CHRDL1: variants seen among roughly 807,000 people sequenced by gnomAD.
CHRDL1 encodes chordin like 1, also known as chordin-like protein 1.
Under a neutral mutation model 40.9 loss-of-function variants are expected in CHRDL1, and 19 were observed. The ratio of observed to expected loss-of-function variants is 0.46; its 90% CI spans 0.32 to 0.68. CHRDL1 has a LOEUF of 0.68. CHRDL1 is among the 30% of genes least tolerant of loss of function. CHRDL1 has a pLI of 0.03. For synonymous variants in CHRDL1, 136 were observed against 123.4 expected, an observed-to-expected ratio of 1.10 and a Z score of -0.68; for missense variants, 329 against 352.1, an observed-to-expected ratio of 0.93 and a Z score of 0.53.
chrX:110,680,658 C>T (rs2069877256), intron 10 of CHRDL1, among the ~76,000 whole-genome samples: 2 of 111,916 alleles, frequency 1.8e-5, no homozygotes, highest in Non-Finnish European at 3.8e-5. Context: ...AGTTCGAGTA[C>T]TCTTGAGCCT....
At position 110,689,921 on chromosome X, in the gene CHRDL1, A is replaced by C. The variant is rs746119375; in HGVS notation, c.779-1118T>G. ...TATATATATCTATATATCTATATAT[A>C]TCTATATATCTATATATATCTATAT... On this transcript the variant is annotated intron_variant, in intron 8 of 11. Coordinates refer to ENST00000372042, the MANE Select transcript of CHRDL1 (RefSeq NM_001143981.2). Among the ~76,000 whole-genome samples the C allele has an allele frequency of 2.2e-3, 79 of 35,214 alleles. 1 individual carries two copies. Among genetic ancestry groups the C allele is most frequent in the African/African-American group, 3.7e-3 (13 of 3,559 alleles). The allele number at this position is 35,214 out of a possible 115,157, so 30.6% of individuals were successfully genotyped here. A position where few individuals can be genotyped will look rare whatever the true frequency, so the allele number is the denominator to read the frequency against.
chrX:110,788,704 A>G (rs1252400094), intron 2 of CHRDL1, among the ~76,000 whole-genome samples: 1 of 112,237 alleles, frequency 8.9e-6, no homozygotes, highest in Admixed American at 9.5e-5. Context: ...AATAAGATGT[A>G]CTTTTACTTT....
intron 1 of CHRDL1, among the ~76,000 whole-genome samples, chrX:110,795,089 CCTTT>C (rs2090159805): frequency 8.9e-6 from 1 of 112,436 alleles, no homozygotes; most frequent in Non-Finnish European, 1.9e-5. Flanking sequence ...TTGCAAAACA[CCTTT>C]CTATCATTTC....
chrX:110,779,167 G>T (rs141314056), intron 2 of CHRDL1, among the ~76,000 whole-genome samples: 3 of 110,636 alleles, frequency 2.7e-5, no homozygotes, highest in Non-Finnish European at 5.7e-5. Flanking sequence ...AGTATTTGGG[G>T]ACAAAATTAT....
At chrX:110,787,863 AGGCTGGTCT>A (rs2090040817) in intron 2 of CHRDL1, among the ~76,000 whole-genome samples, 3 of 112,811 alleles carry the variant, frequency 2.7e-5, no homozygotes, top group Non-Finnish European at 5.6e-5. Context: ...GACTTGGCAC[AGGCTGGTCT>A]ATTAGAAATA....
At chrX:110,770,121 T>C (rs963568104) in intron 2 of CHRDL1, among the ~76,000 whole-genome samples, 2 of 112,353 alleles carry the variant, frequency 1.8e-5, no homozygotes, top group African/African-American at 3.2e-5. Context: ...CTGTGTGACA[T>C]TGAGTAAGTC....
rs1344741945 is a variant in CHRDL1, at chrX:110,688,618, C to T, written c.964G>A (p.Val322Met). The T allele has an allele frequency of 3.3e-6, 4 of 1,208,305 alleles. No individual in the cohort carries two copies. The highest frequency in any genetic ancestry group is 3.5e-5 in the South Asian group (2 of 56,692). Residue 322 changes from valine (V) to methionine (M), a missense_variant, in exon 9 of 12, where the codon GTG becomes ATG. Val to Met is a conservative substitution (Grantham distance 21). Transcript: ENST00000372042. ...CCTTTTGCTTTTTTACCTGGACACACCTTGCAGCATTTTCCGTCTATTTTT... is the reference window on the plus strand; with the variant it reads ...CCTTTTGCTTTTTTACCTGGACACATCTTGCAGCATTTTCCGTCTATTTTT... ...PQKIDGKCCK[V>M]CPGKKAKEEL... is the part of the protein sequence containing the mutation.
At chrX:110,712,387 CAT>C (rs1242462351) in intron 6 of CHRDL1, among the ~76,000 whole-genome samples, 1 of 111,139 alleles carries the variant, frequency 9.0e-6, no homozygotes, top group African/African-American at 3.3e-5. Context: ...TAGGAAGAAA[CAT>C]AGCATGTAAC....
chrX:110,742,197 G>A (rs1231353301), intron 4 of CHRDL1, among the ~76,000 whole-genome samples: 5 of 112,046 alleles, frequency 4.5e-5, no homozygotes, highest in African/African-American at 1.6e-4. Flanking sequence ...TTAGTTCTAG[G>A]TTACTATGAA....
chrX:110,678,544 C>T (rs1394935254), intron 11 of CHRDL1, among the ~76,000 whole-genome samples: 1 of 110,964 alleles, frequency 9.0e-6, no homozygotes, highest in Non-Finnish European at 1.9e-5. Context: ...CCAGTCATAC[C>T]CTTCTCTTTC....
chrX:110,705,610 A>G (rs1211613106), intron 6 of CHRDL1, among the ~76,000 whole-genome samples: 1 of 104,864 alleles, frequency 9.5e-6, no homozygotes, highest in Non-Finnish European at 1.9e-5. Flanking sequence ...ATGATGCTCA[A>G]AGGAAATTCT....
chrX:110,697,969 AAGGAGTCATATTTGAACCACTGGTTCCTC>A (rs2070434888), intron 7 of CHRDL1, among the ~76,000 whole-genome samples: 1 of 110,649 alleles, frequency 9.0e-6, no homozygotes, highest in Non-Finnish European at 1.9e-5. Context: ...GGTTTTTACA[AAGGAGTCATATTTGAACCACTGGTTCCTC>A]TTCCTGTGCA....
chrX:110,739,703 C>A (rs183820065), intron 4 of CHRDL1, among the ~76,000 whole-genome samples: 8 of 112,407 alleles, frequency 7.1e-5, no homozygotes, highest in African/African-American at 2.6e-4. Context: ...TTTGTCTTTG[C>A]AGATATATTC....
intron 2 of CHRDL1, among the ~76,000 whole-genome samples, chrX:110,784,802 G>C (rs1015203833): frequency 3.6e-5 from 4 of 111,823 alleles, no homozygotes; most frequent in African/African-American, 1.3e-4. Context: ...ACACCATTAA[G>C]ATGAGAACTG....
At chrX:110,710,014 G>C (rs2070719263) in intron 6 of CHRDL1, among the ~76,000 whole-genome samples, 1 of 111,068 alleles carries the variant, frequency 9.0e-6, no homozygotes, top group Non-Finnish European at 1.9e-5. Context: ...AAAAATCCAA[G>C]TATCCAAATA....
chrX:110,700,605 T>C (rs763499344), intron 7 of CHRDL1, 49 bp downstream of exon 7: 1 of 857,376 alleles, frequency 1.2e-6, no homozygotes, highest in Admixed American at 2.2e-5. Flanking sequence ...AGAGGAAAGC[T>C]TGGCCTGATG....
intron 2 of CHRDL1, among the ~76,000 whole-genome samples, chrX:110,770,204 G>T (rs1163988053): frequency 8.9e-6 from 1 of 112,094 alleles, no homozygotes; most frequent in Non-Finnish European, 1.9e-5. Flanking sequence ...AGGATTAAAT[G>T]AAGCACTTTG....
At chrX:110,698,123 C>T (rs1033627924) in intron 7 of CHRDL1, among the ~76,000 whole-genome samples, 2 of 111,112 alleles carry the variant, frequency 1.8e-5, no homozygotes, top group African/African-American at 3.3e-5. Context: ...GAACAGTTTA[C>T]GAAAAGGACA....
rs1359443221 is a variant in CHRDL1 at position 110,759,669 on chromosome X, C to T, written c.293G>A (p.Arg98His). 6 of 1,191,093 alleles carry T rather than the reference C, an allele frequency of 5.0e-6. No individual in the cohort carries two copies. Among genetic ancestry groups the T allele is most frequent in the South Asian group, 1.8e-5 (1 of 56,347 alleles). Residue 98 changes from arginine to histidine, a missense_variant, in exon 4 of 12, where the codon CGC becomes CAC. Arg to His is a conservative substitution (Grantham distance 29, BLOSUM62 0). Transcript: ENST00000372042. ...GAGACAAATTGCTTTACCTGGGCAG[C>T]GAGGGCAGCACAGATGAGGAATATG... ...PVHIPHLCCP[R>H]CPEDSLPPVN...
Sources: allele counts gnomAD v4.1 joint callset (sites outside exome capture counted in the v4.1 genomes callset), GRCh38; gene constraint gnomAD v4.1.1; transcripts MANE v1.5; gene names NCBI Gene and HGNC (gene_info 2026-07-23, HGNC 2026-07-21).